GALK2: variants seen among roughly 807,000 people sequenced by gnomAD.
GALK2 encodes the protein N-acetylgalactosamine kinase.
In GALK2, 36 loss-of-function variants were observed where a neutral mutation model predicts 52.4. That is an observed-to-expected ratio of 0.69 (90% CI 0.53 to 0.91). The LOEUF is 0.91. GALK2 is among the 40% of genes least tolerant of loss of function. The pLI, the probability that GALK2 is intolerant of heterozygous loss-of-function variation, is 0.00. For missense variants in GALK2, 579 were observed against 559.1 expected (o/e 1.04, Z -0.36); for synonymous variants, 176 against 199.1 (o/e 0.88, Z 0.98).
chr15:49,206,769 C>T (rs1364428225), intron 2 of GALK2, among the ~76,000 whole-genome samples: 6 of 151,956 alleles, frequency 3.9e-5, no homozygotes, highest in Non-Finnish European at 4.4e-5. Context: ...GGTAAACGAT[C>T]GTATCATCAG....
At chr15:49,222,957 T>C (rs984209878) in intron 3 of GALK2, among the ~76,000 whole-genome samples, 25 of 152,186 alleles carry the variant, frequency 1.6e-4, no homozygotes, top group Non-Finnish European at 5.9e-5. Flanking sequence ...TTGAAGAGGA[T>C]TGGTATTTGT....
At chr15:49,295,154 AAGAG>A (rs1040905456) in intron 8 of GALK2, among the ~76,000 whole-genome samples, 2 of 151,938 alleles carry the variant, frequency 1.3e-5, no homozygotes, top group African/African-American at 4.8e-5. Context: ...GGAAAGAAGA[AAGAG>A]AAGAAGGAGG....
intron 5 of GALK2, among the ~76,000 whole-genome samples, chr15:49,257,713 G>A (rs911728821): frequency 3.3e-5 from 5 of 152,000 alleles, no homozygotes; most frequent in African/African-American, 1.2e-4. Context: ...GCTAGTTCAT[G>A]AGCTGGGTGT....
chr15:49,323,218 C>T (rs11852825), intron 9 of GALK2, among the ~76,000 whole-genome samples: 61,863 of 151,862 alleles, frequency 0.41, 12,760 homozygotes, highest in African/African-American at 0.43. Flanking sequence ...GTTGGACATA[C>T]TGGAAGGGGT....
At chr15:49,349,642 A>G (rs2041975602) in intron 3 of GALK2, among the ~76,000 whole-genome samples, 2 of 152,130 alleles carry the variant, frequency 1.3e-5, no homozygotes, top group African/African-American at 2.4e-5. Flanking sequence ...ATCAAAGGGA[A>G]TTGAGCAGAG....
chr15:49,283,800 T>A, intron 7 of GALK2, 82 bp downstream of exon 7: 1 of 1,437,806 alleles, frequency 7.0e-7, no homozygotes, highest in Non-Finnish European at 9.6e-7. Context: ...CTTTATCTCT[T>A]TCCCCAAATT....
intron 8 of GALK2, among the ~76,000 whole-genome samples, chr15:49,297,039 G>A (rs187978290): frequency 1.3e-5 from 2 of 152,264 alleles, no homozygotes; most frequent in East Asian, 1.9e-4. Context: ...ATTAATTTAC[G>A]TTCTCACTAG....
At chr15:49,318,111 G>T (rs1224982752) in intron 8 of GALK2, 2 of 151,650 alleles carry the variant, frequency 1.3e-5, no homozygotes, top group African/African-American at 2.4e-5. Context: ...TTTCCCCTAG[G>T]CCTGGGAATT....
intron 3 of GALK2, among the ~76,000 whole-genome samples, chr15:49,347,452 G>A (rs1412021405): frequency 6.6e-6 from 1 of 152,154 alleles, no homozygotes; most frequent in Non-Finnish European, 1.5e-5. Context: ...ACAGATTATT[G>A]ATGACCCTAT....
At chr15:49,321,069 CAATT>C (rs1344032023) in intron 9 of GALK2, among the ~76,000 whole-genome samples, 1 of 151,942 alleles carries the variant, frequency 6.6e-6, no homozygotes. Context: ...AGAGAAATGA[CAATT>C]AAAAATAATT....
In GALK2 at chr15:49,174,503, G is replaced by A. The variant is rs904531354; in HGVS notation, c.53+4128G>A. Among the ~76,000 whole-genome samples the A allele has an allele frequency of 4.6e-5, 7 of 152,036 alleles. No homozygotes were observed. The East Asian group carries it at 1.4e-3, about 30-fold the overall frequency. ...TGGGACTACAGGTGCTCACCACCACGCCAGGCTAATTTTTGTATTTTTAGT... is the reference window on the plus strand; with the variant it reads ...TGGGACTACAGGTGCTCACCACCACACCAGGCTAATTTTTGTATTTTTAGT... On this transcript the variant is annotated intron_variant, in intron 1 of 9. Coordinates refer to ENST00000560031, the MANE Select transcript of GALK2 (RefSeq NM_002044.4).
At chr15:49,314,769 A>G (rs2036265732) in intron 8 of GALK2, among the ~76,000 whole-genome samples, 1 of 152,228 alleles carries the variant, frequency 6.6e-6, no homozygotes, top group African/African-American at 2.4e-5. Flanking sequence ...TTGGGAGCAT[A>G]AAATAGAATG....
intron 3 of GALK2, among the ~76,000 whole-genome samples, chr15:49,358,985 G>A (rs1311738411): frequency 2.0e-5 from 3 of 151,092 alleles, no homozygotes; most frequent in African/African-American, 7.3e-5. Context: ...CAAGCAATGG[G>A]GAAAGGATTC....
At chr15:49,194,617 T>TG (rs1257057800) in intron 1 of GALK2, among the ~76,000 whole-genome samples, 2 of 150,964 alleles carry the variant, frequency 1.3e-5, no homozygotes, top group Non-Finnish European at 3.0e-5. Flanking sequence ...TTTTTTGAGA[T>TG]GGAGTTTCAC....
At chr15:49,317,044 A>G (rs2036478080) in intron 8 of GALK2, among the ~76,000 whole-genome samples, 1 of 152,212 alleles carries the variant, frequency 6.6e-6, no homozygotes, top group African/African-American at 2.4e-5. Context: ...TCTTCTTTAC[A>G]AAGTATAACA....
intron 8 of GALK2, among the ~76,000 whole-genome samples, chr15:49,316,947 A>G (rs1276819272): frequency 1.3e-5 from 2 of 152,192 alleles, no homozygotes; most frequent in African/African-American, 2.4e-5. Flanking sequence ...GGTGTAGTCT[A>G]TACAGGTCAG....
At chr15:49,232,782 G>C (rs1880448568) in intron 3 of GALK2, among the ~76,000 whole-genome samples, 1 of 152,060 alleles carries the variant, frequency 6.6e-6, no homozygotes, top group African/African-American at 2.4e-5. Flanking sequence ...CAGGCTCTTT[G>C]TTAATGCATA....
intron 5 of GALK2, among the ~76,000 whole-genome samples, chr15:49,248,744 TA>T (rs758547062): frequency 6.6e-6 from 1 of 152,228 alleles, no homozygotes; most frequent in Non-Finnish European, 1.5e-5. Context: ...GATGTGACAC[TA>T]AGCTATTTGT....
At chr15:49,315,912 G>GT (rs2036369106) in intron 8 of GALK2, among the ~76,000 whole-genome samples, 1 of 152,128 alleles carries the variant, frequency 6.6e-6, no homozygotes, top group Non-Finnish European at 1.5e-5. Flanking sequence ...TCTCTGGATA[G>GT]TTTCTATTTT....
Sources: allele counts gnomAD v4.1 joint callset (sites outside exome capture counted in the v4.1 genomes callset), GRCh38; gene constraint gnomAD v4.1.1; transcripts MANE v1.5; gene names NCBI Gene and HGNC (gene_info 2026-07-23, HGNC 2026-07-21).